Variants in GALNTL6 observed in about 807,000 individuals in gnomAD.
The protein encoded by GALNTL6 is polypeptide N-acetylgalactosaminyltransferase like 6, also known as polypeptide N-acetylgalactosaminyltransferase-like 6.
GALNTL6 carries 46 observed loss-of-function variants against 73.7 expected under a neutral mutation model. The observed-to-expected ratio is 0.62, with a 90% CI of 0.49 to 0.80. The LOEUF is 0.80. Ranked by LOEUF, GALNTL6 falls within the 30% of genes least tolerant of loss-of-function variation. The pLI is 0.00. For synonymous variants in GALNTL6, 259 were observed against 263.7 expected (o/e 0.98, Z 0.17); for missense variants, 604 against 755.0 (o/e 0.80, Z 2.34).
intron 2 of GALNTL6, among the ~76,000 whole-genome samples, chr4:172,145,941 G>A (rs539978510): frequency 2.0e-4 from 31 of 152,248 alleles, no homozygotes; most frequent in Non-Finnish European, 4.1e-4. Flanking sequence ...AACAAAGAGA[G>A]GCAATTTTGG....
chr4:172,014,178 A>G (rs1213317366), intron 2 of GALNTL6, among the ~76,000 whole-genome samples: 1 of 152,074 alleles, frequency 6.6e-6, no homozygotes, highest in Non-Finnish European at 1.5e-5. Flanking sequence ...GCTGGAATAA[A>G]CATGGGAGTG....
intron 2 of GALNTL6, among the ~76,000 whole-genome samples, chr4:171,901,153 A>C (rs1269189468): frequency 6.6e-6 from 1 of 152,180 alleles, no homozygotes; most frequent in Non-Finnish European, 1.5e-5. Flanking sequence ...AAAAGACGGA[A>C]ATGTTGATAC....
At chr4:172,186,083 G>T (rs1270858424) in intron 2 of GALNTL6, among the ~76,000 whole-genome samples, 1 of 152,048 alleles carries the variant, frequency 6.6e-6, no homozygotes, top group Non-Finnish European at 1.5e-5. Context: ...TAAAATTACT[G>T]TGTGATACAA....
intron 2 of GALNTL6, among the ~76,000 whole-genome samples, chr4:172,165,928 A>G (rs1033453406): frequency 4.6e-5 from 7 of 152,324 alleles, no homozygotes; most frequent in African/African-American, 1.4e-4. Context: ...GCTTCAGAGA[A>G]GGAGAAAAAA....
chr4:172,552,484 T>A (rs1908778), intron 5 of GALNTL6, among the ~76,000 whole-genome samples: 126,552 of 152,048 alleles, frequency 0.83, 52,806 homozygotes, highest in Non-Finnish European at 0.87. Flanking sequence ...GAAGGTATTT[T>A]ATTATATATA....
chr4:172,274,445 A>C (rs1265622767), intron 3 of GALNTL6, among the ~76,000 whole-genome samples: 1 of 152,232 alleles, frequency 6.6e-6, no homozygotes, highest in African/African-American at 2.4e-5. Context: ...AGAATCAGAC[A>C]ATCCGTAGAG....
chr4:172,239,561 AT>A (rs1221392023), intron 3 of GALNTL6, among the ~76,000 whole-genome samples: 5 of 150,402 alleles, frequency 3.3e-5, no homozygotes, highest in East Asian at 2.0e-4. Context: ...GATGTTTTGT[AT>A]TTTTTTTATG....
intron 5 of GALNTL6, among the ~76,000 whole-genome samples, chr4:172,682,138 CA>C (rs1732663221): frequency 6.6e-6 from 1 of 152,066 alleles, no homozygotes; most frequent in Admixed American, 6.5e-5. Flanking sequence ...ATATAGAACA[CA>C]AAACCAAATA....
intron 2 of GALNTL6, among the ~76,000 whole-genome samples, chr4:171,984,034 A>C (rs1739993173): frequency 6.6e-6 from 1 of 152,050 alleles, no homozygotes; most frequent in South Asian, 2.1e-4. Context: ...CCGGGCTGTT[A>C]ACTCAATGGT....
intron 7 of GALNTL6, among the ~76,000 whole-genome samples, chr4:172,837,813 A>G (rs1014230488): frequency 3.3e-5 from 5 of 152,228 alleles, no homozygotes; most frequent in Admixed American, 2.6e-4. Flanking sequence ...TGAATAATCA[A>G]TCCTGGATAG....
chr4:171,832,706 A>C (rs938246119), intron 2 of GALNTL6, among the ~76,000 whole-genome samples: 1 of 151,770 alleles, frequency 6.6e-6, no homozygotes, highest in Non-Finnish European at 1.5e-5. Flanking sequence ...GTATTGAGCC[A>C]TGACTAACAA....
intron 5 of GALNTL6, among the ~76,000 whole-genome samples, chr4:172,744,935 C>A (rs1344146894): frequency 6.6e-6 from 1 of 151,582 alleles, no homozygotes; most frequent in African/African-American, 2.4e-5. Context: ...TATTAGGGAA[C>A]ATTTTCCCTT....
intron 5 of GALNTL6, among the ~76,000 whole-genome samples, chr4:172,551,203 T>A (rs1735943056): frequency 6.6e-6 from 1 of 152,184 alleles, no homozygotes; most frequent in African/African-American, 2.4e-5. Flanking sequence ...TTATAAAACG[T>A]TTTTTCTTCT....
intron 5 of GALNTL6, among the ~76,000 whole-genome samples, chr4:172,456,199 A>G (rs1298592489): frequency 6.6e-5 from 10 of 152,212 alleles, no homozygotes; most frequent in Non-Finnish European, 1.2e-4. Flanking sequence ...TCCAAAGGTC[A>G]CCAACATTAA....
intron 5 of GALNTL6, among the ~76,000 whole-genome samples, chr4:172,561,043 G>A (rs1340851634): frequency 6.6e-6 from 1 of 151,636 alleles, no homozygotes; most frequent in Non-Finnish European, 1.5e-5. Context: ...CATGAGGTCA[G>A]GAGATCGAGA....
At chr4:172,130,593 A>T (rs1458929030) in intron 2 of GALNTL6, among the ~76,000 whole-genome samples, 2 of 152,104 alleles carry the variant, frequency 1.3e-5, no homozygotes, top group Admixed American at 1.3e-4. Context: ...ATATTTGTAA[A>T]GTTAACATAT....
chr4:171,977,194 A>G (rs1214896215), intron 2 of GALNTL6, among the ~76,000 whole-genome samples: 1 of 152,182 alleles, frequency 6.6e-6, no homozygotes, highest in African/African-American at 2.4e-5. Flanking sequence ...TTTAATCCAA[A>G]TTTTATGCTG....
chr4:172,589,829 GTCTC>G (rs142136993), intron 5 of GALNTL6, among the ~76,000 whole-genome samples: 1 of 151,216 alleles, frequency 6.6e-6, no homozygotes, highest in African/African-American at 2.4e-5. Flanking sequence ...AGTGCATGCA[GTCTC>G]TCTCTCTCTC....
intron 5 of GALNTL6, among the ~76,000 whole-genome samples, chr4:172,739,232 G>T (rs10000565): frequency 6.6e-6 from 1 of 151,914 alleles, no homozygotes; most frequent in African/African-American, 2.4e-5. Context: ...AGCCCATATT[G>T]TATATACCAG....
Sources: allele counts gnomAD v4.1 joint callset (sites outside exome capture counted in the v4.1 genomes callset), GRCh38; gene constraint gnomAD v4.1.1; transcripts MANE v1.5; gene names NCBI Gene and HGNC (gene_info 2026-07-23, HGNC 2026-07-21).